Variants in BCL9L observed in about 807,000 individuals in gnomAD.
The protein encoded by BCL9L is BCL9 like, also known as B-cell CLL/lymphoma 9-like protein.
A neutral mutation model predicts 99.4 loss-of-function variants in BCL9L; 19 were observed. That is an observed-to-expected ratio of 0.19 (90% CI 0.13 to 0.28). The LOEUF is 0.28. Among genes scored for constraint, BCL9L ranks in the 10% least tolerant of loss-of-function variants. The pLI is 1.00. For missense variants in BCL9L, 2,023 were observed against 2,101.6 expected, an observed-to-expected ratio of 0.96 and a Z score of 0.73; for synonymous variants, 900 against 854.8, an observed-to-expected ratio of 1.05 and a Z score of -0.92.
rs199593427 is a variant in BCL9L, at chr11:118,898,913, C to T, written c.4002G>A (p.Lys1334=). 9.9e-5 allele frequency: 159 copies of T among 1,613,186 alleles called. No individual in the cohort carries two copies. Among genetic ancestry groups the T allele is most frequent in the Middle Eastern group, 6.6e-4 (4 of 6,058 alleles). The change falls in exon 10 of 10, where the codon AAG becomes AAA. Residue 1334 remains lysine, a synonymous_variant. Transcript: ENST00000683865. ...FDLSRIIPSE[K]PSSTLQYFPK... ...GGAAGTACTGGAGGGTGCTGCTTGG[C>T]TTCTCAGAGGGGATGATCCTCGACA...
At chr11:118,911,151 C>T (rs1940779145) in intron 2 of BCL9L, 3 of 447,014 alleles carry the variant, frequency 6.7e-6, no homozygotes, top group Non-Finnish European at 1.4e-5. Context: ...ACACAGAGGC[C>T]TCACCCAACC....
At chr11:118,920,972 T>C (rs1207521372) in intron 1 of BCL9L, among the ~76,000 whole-genome samples, 3 of 152,182 alleles carry the variant, frequency 2.0e-5, no homozygotes, top group Non-Finnish European at 4.4e-5. Flanking sequence ...AGCGCATGTG[T>C]GTGCCCGCAC....
chr11:118,917,810 T>A (rs867156000), intron 2 of BCL9L, among the ~76,000 whole-genome samples: 1 of 151,872 alleles, frequency 6.6e-6, no homozygotes, highest in Non-Finnish European at 1.5e-5. Flanking sequence ...TCCTCACCCA[T>A]CCTTGTCCCT....
Position 118,897,819 on chromosome 11 carries a change from A to C in BCL9L, c.*596T>G, listed in dbSNP as rs778214935. The C allele has an allele frequency of 1.3e-5, 6 of 456,464 alleles. No individual in the cohort carries two copies. Among genetic ancestry groups the C allele is most frequent in the African/African-American group, 6.0e-5 (3 of 50,038 alleles). The allele number at this position is 456,464 out of a possible 1,614,324, so 28.3% of individuals were successfully genotyped here. On this transcript the variant is annotated 3_prime_UTR_variant, in exon 10 of 10. Coordinates refer to ENST00000683865, the MANE Select transcript of BCL9L (RefSeq NM_001378213.1). ...TACAGCACACGCACAAACCAGCACA[A>C]AAGCGCAGCGCTCTATTTACAGCTC...
At chr11:118,910,252 G>C (rs1354591072) in intron 2 of BCL9L, 1 of 387,826 alleles carries the variant, frequency 2.6e-6, no homozygotes, top group Non-Finnish European at 4.9e-6. Flanking sequence ...GCCCCGACGG[G>C]CGGCAGAGAC....
chr11:118,906,223 T>C (rs1940513871), intron 5 of BCL9L, among the ~76,000 whole-genome samples: 2 of 152,126 alleles, frequency 1.3e-5, no homozygotes, highest in South Asian at 2.1e-4. Flanking sequence ...ACTCACAAAG[T>C]TTCTACAATG....
chr11:118,901,770 G>C lies in BCL9L; in HGVS notation c.1973C>G (p.Pro658Arg). 2 of 1,612,026 alleles carry C rather than the reference G, an allele frequency of 1.2e-6. No homozygotes were observed. The highest frequency in any genetic ancestry group is 1.7e-6 in the Non-Finnish European group (2 of 1,178,404). ...CGCCTCACCCTGCCCACCTGGGTAG[G>C]GCATGGTGTTCTGGGCAAAATTGCT... is the stretch of plus-strand genomic sequence containing the variant. ...GPSNFAQNTM[P>R]YPGGQGEAER... The change falls in exon 8 of 10, where the codon CCC becomes CGC. Residue 658 changes from proline to arginine, a missense_variant. Physicochemically the swap from Pro to Arg is moderately radical, Grantham distance 103. Around this residue, in one of 3 missense-constraint regions of BCL9L, gnomAD observed 1,116 missense variants for 1,194.6 expected, o/e 0.93. Transcript: ENST00000683865. This position sits in a 1 kb window ranked among gnomAD's most constrained non-coding sequence, Gnocchi z 6.6.
At position 118,902,125 on chromosome 11, in the gene BCL9L, G is replaced by A; in HGVS notation, c.1618C>T (p.Leu540=). The A allele has an allele frequency of 6.2e-7, 1 of 1,614,094 alleles. No individual in the cohort carries two copies. Among genetic ancestry groups the A allele is most frequent in the Non-Finnish European group, 8.5e-7 (1 of 1,180,012 alleles). Residue 540 remains leucine (L), a synonymous_variant, in exon 8 of 10, where the codon CTG becomes TTG. Transcript: ENST00000683865. This position sits in a 1 kb window ranked among gnomAD's most constrained non-coding sequence, Gnocchi z 7.8. The part of the protein sequence containing the change: ...EKRRKEEQIG[L]HGSRPLQDMM... ...TCCTGCAGAGGACGGCTCCCATGCA[G>A]CCCAATCTGTTCCTCTTTCCGCCGT...
Position 118,898,004 on chromosome 11 carries a change from G to T in BCL9L, c.*411C>A, listed in dbSNP as rs766322113. On this transcript the variant is annotated 3_prime_UTR_variant, in exon 10 of 10. Transcript: ENST00000683865. ...GGTGGAGCTCCAGCAATGCGGACAC[G>T]AGGAGACAGGAGCAGAAGGGGCTGG... 1 of 410,984 alleles carries T rather than the reference G, an allele frequency of 2.4e-6. No homozygotes were observed. Among genetic ancestry groups the T allele is most frequent in the Non-Finnish European group, 4.7e-6 (1 of 211,788 alleles). 25.5% of individuals were successfully genotyped at this position (410,984 alleles called of 1,614,324 possible).
At position 118,900,575 on chromosome 11, in the gene BCL9L, C is replaced by CGCCTGCCT. The variant is rs756712665; in HGVS notation, c.3124+36_3124+43dup. The CGCCTGCCT allele has an allele frequency of 1.9e-4, 292 of 1,558,142 alleles. No individual in the cohort carries two copies. The Middle Eastern group carries it at 2.0e-3, about 10-fold the overall frequency. ...GCCCCAGCATGGACACACTGCTCAG[C>CGCCTGCCT]GCCTGCCTGCCTGCCTGCCTGCCTG... On this transcript the variant is annotated intron_variant, in intron 8 of 9. Transcript: ENST00000683865. This position sits in a 1 kb window ranked among gnomAD's most constrained non-coding sequence, Gnocchi z 5.3.
intron 5 of BCL9L, among the ~76,000 whole-genome samples, chr11:118,906,067 T>A (rs1940508415): frequency 6.6e-6 from 1 of 151,820 alleles, no homozygotes; most frequent in Admixed American, 6.6e-5. Context: ...GTGTGATACA[T>A]GCCTGAGCCC....
At chr11:118,910,904 G>C (rs562937918) in intron 2 of BCL9L, 1 of 209,754 alleles carries the variant, frequency 4.8e-6, no homozygotes, top group Non-Finnish European at 9.8e-6. Context: ...AGACACGCAC[G>C]GAGCCCAGGA....
intron 2 of BCL9L, among the ~76,000 whole-genome samples, chr11:118,911,958 A>G (rs1940811368): frequency 6.6e-6 from 1 of 152,266 alleles, no homozygotes; most frequent in Non-Finnish European, 1.5e-5. Flanking sequence ...AGTCCTCTCC[A>G]GTGGCCGTTC....
intron 3 of BCL9L, among the ~76,000 whole-genome samples, chr11:118,908,865 T>C (rs1411152323): frequency 6.6e-6 from 1 of 151,926 alleles, no homozygotes; most frequent in African/African-American, 2.4e-5. Flanking sequence ...GGAGTGGAGA[T>C]GGGGAAACCC....
chr11:118,900,126 T>C lies in BCL9L; in HGVS notation c.3197A>G (p.Asn1066Ser), dbSNP rs1287130045. 6.2e-7 allele frequency: 1 copy of C among 1,612,928 alleles called. No homozygotes were observed. ...PPANPPSGLM[N>S]PSLPFTSSPD... ...GGAGGAAGTGAATGGTAGGCTGGGG[T>C]TCATGAGGCCGCTGGGAGGGTTGGC... Residue 1066 changes from asparagine (N) to serine (S), a missense_variant, in exon 9 of 10, where the codon AAC becomes AGC. Asn to Ser is a conservative substitution (Grantham distance 46). Around this residue, in one of 3 missense-constraint regions of BCL9L, gnomAD observed 902 missense variants for 888.2 expected, o/e 1.02. Transcript: ENST00000683865. This position sits in a 1 kb window ranked among gnomAD's most constrained non-coding sequence, Gnocchi z 5.3.
rs1358826382 is a variant in BCL9L at position 118,922,266 on chromosome 11, C to A, written c.-131+2972G>T. ...CCAGGCAGCCTTCAGGGCCGCCGAG[C>A]CAAGTGACATGCACCAGCTCAGGAG... On this transcript the variant is annotated intron_variant, in intron 1 of 9. Transcript: ENST00000683865. This position sits in a 1 kb window ranked among gnomAD's most constrained non-coding sequence, Gnocchi z 6.2. 1.3e-5 allele frequency among the ~76,000 whole-genome samples: 2 copies of A among 152,204 alleles called. No individual in the cohort carries two copies. The highest frequency in any genetic ancestry group is 2.9e-5 in the Non-Finnish European group (2 of 68,018).
chr11:118,907,099 C>T (rs1940553557), intron 5 of BCL9L, among the ~76,000 whole-genome samples: 1 of 152,320 alleles, frequency 6.6e-6, no homozygotes, highest in African/African-American at 2.4e-5. Context: ...AGTGGCAACT[C>T]ACACCCAGGC....
intron 1 of BCL9L, among the ~76,000 whole-genome samples, chr11:118,923,367 G>C (rs556987559): frequency 6.6e-6 from 1 of 152,118 alleles, no homozygotes; most frequent in African/African-American, 2.4e-5. Context: ...TAGGGCTCCC[G>C]CTTAACCCAG....
chr11:118,922,975 C>T lies in BCL9L; in HGVS notation c.-131+2263G>A, dbSNP rs367661086. Among the ~76,000 whole-genome samples the T allele has an allele frequency of 3.0e-4, 45 of 152,210 alleles. No individual in the cohort carries two copies. The East Asian group carries it at 8.3e-3, about 28-fold the overall frequency. On this transcript the variant is annotated intron_variant, in intron 1 of 9. Coordinates refer to ENST00000683865, the MANE Select transcript of BCL9L (RefSeq NM_001378213.1). The surrounding 1 kb of genome is among the most constrained non-coding windows in gnomAD (Gnocchi z 6.2). ...CCAGGGTCCTGGGACAGAACTTCAG[C>T]GTGTGGTACCAGAGGCAGTGTGGGG...
Sources: gnomAD v4.1 joint callset for allele counts (sites outside exome capture counted in the v4.1 genomes callset) on GRCh38, gnomAD v4.1.1 for gene constraint, gnomAD v4.1.1 regional missense constraint, Gnocchi (gnomAD v3.1) non-coding constraint, MANE v1.5 for transcripts, NCBI Gene and HGNC (gene_info 2026-07-23, HGNC 2026-07-21) for gene names.